RFC5: variants seen among roughly 807,000 people sequenced by gnomAD.
RFC5 encodes the protein replication factor C subunit 5.
A neutral mutation model predicts 44.3 loss-of-function variants in RFC5; 26 were observed. The ratio of observed to expected loss-of-function variants is 0.59; its 90% CI spans 0.43 to 0.81. RFC5 has a LOEUF of 0.81. RFC5 is among the 40% of genes least tolerant of loss of function. The probability of loss-of-function intolerance (pLI) is 0.00; values close to 1 mark genes in which losing one functional copy is unlikely to be tolerated. For missense variants in RFC5, 328 were observed against 418.6 expected (o/e 0.78, Z 1.89); for synonymous variants, 155 against 155.2 (o/e 1.00, Z 0.01).
chr12:118,024,711 G>A lies in RFC5; in HGVS notation c.422-140G>A, dbSNP rs547280144. On this transcript the variant is annotated intron_variant, in intron 5 of 10. Coordinates refer to ENST00000454402, the MANE Select transcript of RFC5 (RefSeq NM_007370.7). ...CAGACGTGAGCCACTAAGCCACTAC[G>A]CCCGGCCAACATCCTCACTTGTTTG... The A allele has an allele frequency of 7.7e-4, 540 of 700,572 alleles. 5 individuals carry two copies. In the South Asian group the frequency reaches 9.2e-3, roughly 12 times the overall value. The allele number at this position is 700,572 out of a possible 1,614,324, so 43.4% of individuals were successfully genotyped here. A position where few individuals can be genotyped will look rare whatever the true frequency, so the allele number is the denominator to read the frequency against.
intron 1 of RFC5, among the ~76,000 whole-genome samples, chr12:118,017,472 G>A (rs2030170659): frequency 6.6e-6 from 1 of 152,154 alleles, no homozygotes. Flanking sequence ...GTGAATCTAG[G>A]AAGTCTGAAT....
In RFC5 at chr12:118,016,745, G is replaced by A; in HGVS notation, c.-83G>A. 1.7e-6 allele frequency: 2 copies of A among 1,153,792 alleles called. No homozygotes were observed. The allele number at this position is 1,153,792 out of a possible 1,614,324, so 71.5% of individuals were successfully genotyped here. A position where few individuals can be genotyped will look rare whatever the true frequency, so the allele number is the denominator to read the frequency against. ...GCGAACTGTAAGTGCCAGGGTCTCA[G>A]GGTCAGGTCGCGGCTGGTCACTGTG... is the stretch of plus-strand genomic sequence containing the variant. On this transcript the variant is annotated 5_prime_UTR_variant, in exon 1 of 11. Coordinates refer to ENST00000454402, the MANE Select transcript of RFC5 (RefSeq NM_007370.7).
At chr12:118,031,100 C>T (rs2031290680) in intron 10 of RFC5, 82 bp from the exon 11 acceptor site, 1 of 916,638 alleles carries the variant, frequency 1.1e-6, no homozygotes, top group South Asian at 1.5e-5. Context: ...AACAGATTTT[C>T]AGCCCTAGAT....
chr12:118,024,089 G>A (rs532597023), intron 5 of RFC5, among the ~76,000 whole-genome samples: 1 of 152,126 alleles, frequency 6.6e-6, no homozygotes, highest in East Asian at 1.9e-4. Context: ...AGTGGCTCAT[G>A]CCTGTAATCC....
downstream of RFC5, chr12:118,033,409 GA>G (rs1056603836): frequency 1.0e-4 from 16 of 152,654 alleles, no homozygotes; most frequent in African/African-American, 3.6e-4. Flanking sequence ...CATCTGTTGA[GA>G]AAATACAAAT....
At chr12:118,018,792 G>T (rs2030283851) in intron 1 of RFC5, among the ~76,000 whole-genome samples, 1 of 151,882 alleles carries the variant, frequency 6.6e-6, no homozygotes, top group Non-Finnish European at 1.5e-5. Flanking sequence ...GTATTTTTTG[G>T]TATTTTTTAT....
chr12:118,027,885 T>C, intron 8 of RFC5, 68 bp from the exon 9 acceptor site: 1 of 958,178 alleles, frequency 1.0e-6, no homozygotes. Flanking sequence ...TGCCCGGGTT[T>C]GGATTCAAAA....
At chr12:118,016,928 G>A (rs1260237690) in intron 1 of RFC5, 36 bp downstream of exon 1, 1 of 1,580,078 alleles carries the variant, frequency 6.3e-7, no homozygotes, top group East Asian at 2.2e-5. Context: ...TGGGCAGAGG[G>A]GGCCAGGCGG....
intron 7 of RFC5, among the ~76,000 whole-genome samples, chr12:118,026,598 CAA>C (rs2030960098): frequency 2.6e-5 from 4 of 151,974 alleles, no homozygotes; most frequent in Admixed American, 2.6e-4. Flanking sequence ...GACCCTGTCT[CAA>C]AAAACAAAGA....
intron 1 of RFC5, 25 bp downstream of exon 1, chr12:118,016,917 G>A (rs1241424298): frequency 6.2e-7 from 1 of 1,603,558 alleles, no homozygotes; most frequent in Admixed American, 1.7e-5. Context: ...AGCGGCGGCG[G>A]TGGGCAGAGG....
At position 118,019,133 on chromosome 12, in the gene RFC5, A is replaced by C. The variant is rs2137690217; in HGVS notation, c.127A>C (p.Thr43Pro). The C allele has an allele frequency of 2.5e-6, 4 of 1,610,714 alleles. No homozygotes were observed. The South Asian group carries it at 4.4e-5, about 18-fold the overall frequency. Residue 43 changes from threonine to proline, a missense_variant, in exon 2 of 11, where the codon ACC becomes CCC. Physicochemically the swap from Thr to Pro is conservative, Grantham distance 38. Transcript: ENST00000454402. The surrounding 1 kb of genome is among the most constrained non-coding windows in gnomAD (Gnocchi z 4.2). ...CATTTCTCATCAGGACATTCTGAGTACCAGTAAGTATTCATGTGTCAGTTG... is the reference window on the plus strand; with the variant it reads ...CATTTCTCATCAGGACATTCTGAGTCCCAGTAAGTATTCATGTGTCAGTTG... ...DLISHQDILSTIQKFINEDRL... is the reference protein window; with the variant it reads ...DLISHQDILSPIQKFINEDRL...
Position 118,032,203 on chromosome 12 carries a change from C to G in RFC5, c.*925C>G, listed in dbSNP as rs1415124974. ...TGAAAACCTTCTGTCTCTAATATCACAGAATAAACTTTCTTTAGATGCTGT... is the reference window on the plus strand; with the variant it reads ...TGAAAACCTTCTGTCTCTAATATCAGAGAATAAACTTTCTTTAGATGCTGT... On this transcript the variant is annotated 3_prime_UTR_variant, in exon 11 of 11. Coordinates refer to ENST00000454402, the MANE Select transcript of RFC5 (RefSeq NM_007370.7). 1 of 152,218 alleles carries G rather than the reference C, an allele frequency of 6.6e-6. No homozygotes were observed. The highest frequency in any genetic ancestry group is 1.5e-5 in the Non-Finnish European group (1 of 68,038). The allele number at this position is 152,218 out of a possible 1,614,324, so 9.4% of individuals were successfully genotyped here.
chr12:118,016,775 C>T lies in RFC5; in HGVS notation c.-53C>T, dbSNP rs2030104484. 2.0e-6 allele frequency: 3 copies of T among 1,498,300 alleles called. No individual in the cohort carries two copies. Among genetic ancestry groups the T allele is most frequent in the South Asian group, 1.2e-5 (1 of 84,624 alleles). The allele number at this position is 1,498,300 out of a possible 1,614,324, so 92.8% of individuals were successfully genotyped here. A position where few individuals can be genotyped will look rare whatever the true frequency, so the allele number is the denominator to read the frequency against. On this transcript the variant is annotated 5_prime_UTR_variant, in exon 1 of 11. Transcript: ENST00000454402. ...AGGTCGCGGCTGGTCACTGTGCAGG[C>T]GCTTGGGTGACGCGACGATCTCAGC...
intron 4 of RFC5, among the ~76,000 whole-genome samples, chr12:118,021,314 C>A (rs5745820): frequency 2.6e-5 from 4 of 151,660 alleles, no homozygotes; most frequent in South Asian, 4.2e-4. Context: ...TGGGTTCAAG[C>A]GATCTTCCAG....
downstream of RFC5, chr12:118,034,024 G>T: frequency 2.4e-6 from 2 of 839,664 alleles, no homozygotes; most frequent in Non-Finnish European, 3.7e-6. Context: ...CACATGCCAG[G>T]GAGAGAAAGA....
chr12:118,034,759 C>T, downstream of RFC5: 1 of 557,552 alleles, frequency 1.8e-6, no homozygotes. Flanking sequence ...GAACTTGGCC[C>T]ATTAGGTGGC....
rs148201164 is a variant in RFC5, at chr12:118,018,958, C to T, written c.66-114C>T. ...AAATGATCCACCCACCTTGGCCTCC[C>T]AAAGTGCTGGGATTACAGGCATGAG... is the stretch of plus-strand genomic sequence containing the variant. On this transcript the variant is annotated intron_variant, in intron 1 of 10. Transcript: ENST00000454402. 39 of 787,204 alleles carry T rather than the reference C, an allele frequency of 5.0e-5. No individual in the cohort carries two copies. In the African/African-American group the frequency reaches 6.3e-4, roughly 13 times the overall value. The allele number at this position is 787,204 out of a possible 1,614,324, so 48.8% of individuals were successfully genotyped here.
chr12:118,017,112 C>T (rs900904384), intron 1 of RFC5, among the ~76,000 whole-genome samples: 2 of 152,172 alleles, frequency 1.3e-5, no homozygotes, highest in African/African-American at 2.4e-5. Context: ...ACCCTTTCAC[C>T]CCCAGCTCCA....
chr12:118,039,611 G>C, the RFC5 span, among the ~76,000 whole-genome samples: 1 of 152,144 alleles, frequency 6.6e-6, no homozygotes, highest in Non-Finnish European at 1.5e-5. Flanking sequence ...GGGCAAGAGA[G>C]AGAATTGGGA....
Sources: allele counts gnomAD v4.1 joint callset (sites outside exome capture counted in the v4.1 genomes callset), GRCh38; gene constraint gnomAD v4.1.1; non-coding constraint Gnocchi (gnomAD v3.1); transcripts MANE v1.5; gene names NCBI Gene and HGNC (gene_info 2026-07-23, HGNC 2026-07-21).